Variants in PLPP4 observed in about 807,000 individuals in gnomAD.
PLPP4 encodes phospholipid phosphatase 4, also known as diacylglycerol pyrophosphate like 2.
A neutral mutation model predicts 32.2 loss-of-function variants in PLPP4; 20 were observed. The ratio of observed to expected loss-of-function variants is 0.62; its 90% CI spans 0.44 to 0.90. The LOEUF (loss-of-function observed/expected upper bound fraction) is 0.90. Among genes scored for constraint, PLPP4 ranks in the 40% least tolerant of loss-of-function variants. The pLI is 0.00. For missense variants in PLPP4, 257 were observed against 353.1 expected (o/e 0.73, Z 2.18); for synonymous variants, 127 against 133.0 (o/e 0.95, Z 0.31).
intron 5 of PLPP4, among the ~76,000 whole-genome samples, chr10:120,561,474 G>A (rs1439690753): frequency 6.6e-6 from 1 of 152,088 alleles, no homozygotes; most frequent in Non-Finnish European, 1.5e-5. Flanking sequence ...TGATTCATGG[G>A]TCTGTTTGCT....
chr10:120,564,047 CTTA>C (rs1848572285), intron 5 of PLPP4, among the ~76,000 whole-genome samples: 1 of 151,572 alleles, frequency 6.6e-6, no homozygotes, highest in Non-Finnish European at 1.5e-5. Context: ...TTCTTTTAAA[CTTA>C]TTGTTAATTT....
intron 5 of PLPP4, among the ~76,000 whole-genome samples, chr10:120,574,168 A>ACACACTCTCTCTCT: frequency 2.1e-5 from 1 of 47,120 alleles, no homozygotes; most frequent in Non-Finnish European, 4.1e-5. Flanking sequence ...ACACACACAC[A>ACACACTCTCTCTCT]CTCTCTCTCT....
chr10:120,479,270 C>T (rs541542078), intron 1 of PLPP4, among the ~76,000 whole-genome samples: 38 of 152,148 alleles, frequency 2.5e-4, no homozygotes, highest in African/African-American at 9.1e-4. Context: ...ACCTTCCCAT[C>T]CCCCCTACTG....
At chr10:120,463,854 G>A (rs572072177) in intron 1 of PLPP4, among the ~76,000 whole-genome samples, 10 of 151,976 alleles carry the variant, frequency 6.6e-5, no homozygotes, top group East Asian at 1.9e-4. Context: ...TTGCTCTGTC[G>A]CCCAGGCTGG....
intron 4 of PLPP4, among the ~76,000 whole-genome samples, chr10:120,520,305 A>G (rs755096387): frequency 3.5e-4 from 54 of 152,336 alleles, no homozygotes; most frequent in Non-Finnish European, 6.8e-4. Flanking sequence ...CAGTGAGGCC[A>G]GGTGAGGCCT....
chr10:120,542,576 C>T (rs529990511), intron 5 of PLPP4, among the ~76,000 whole-genome samples: 2 of 152,154 alleles, frequency 1.3e-5, no homozygotes, highest in Non-Finnish European at 2.9e-5. Flanking sequence ...TCATTGCAGA[C>T]GAGCTGGCTG....
At chr10:120,459,798 G>T (rs147146546) in intron 1 of PLPP4, among the ~76,000 whole-genome samples, 209 of 152,288 alleles carry the variant, frequency 1.4e-3, no homozygotes, top group African/African-American at 4.8e-3. Flanking sequence ...AGATGTGCCT[G>T]TTCTCTGACT....
At chr10:120,580,689 G>T (rs980860636) in intron 6 of PLPP4, among the ~76,000 whole-genome samples, 2 of 107,950 alleles carry the variant, frequency 1.9e-5, no homozygotes, top group Admixed American at 1.9e-4. Context: ...ACGGCTGAGG[G>T]ACATACACTG....
chr10:120,553,155 T>C (rs1847987931), intron 5 of PLPP4, among the ~76,000 whole-genome samples: 1 of 152,208 alleles, frequency 6.6e-6, no homozygotes, highest in African/African-American at 2.4e-5. Flanking sequence ...GGTGGGAGCC[T>C]CTTACTCTTT....
intron 1 of PLPP4, among the ~76,000 whole-genome samples, chr10:120,484,701 G>T (rs1844364629): frequency 6.6e-6 from 1 of 152,158 alleles, no homozygotes; most frequent in African/African-American, 2.4e-5. Context: ...CATGAACTTT[G>T]GGGGACACAT....
chr10:120,457,576 G>A (rs960150879), intron 1 of PLPP4, among the ~76,000 whole-genome samples: 1 of 152,106 alleles, frequency 6.6e-6, no homozygotes, highest in Non-Finnish European at 1.5e-5. Context: ...ACCACCGCGC[G>A]CCGAGGCTGA....
At chr10:120,584,757 G>A (rs376558442) in intron 6 of PLPP4, among the ~76,000 whole-genome samples, 38 of 152,256 alleles carry the variant, frequency 2.5e-4, no homozygotes, top group African/African-American at 8.4e-4. Flanking sequence ...GATCTTGTTC[G>A]CCACCTTTGT....
intron 1 of PLPP4, among the ~76,000 whole-genome samples, chr10:120,462,392 G>A (rs1317588861): frequency 6.6e-6 from 1 of 152,206 alleles, no homozygotes; most frequent in East Asian, 1.9e-4. Context: ...GGGGTGGAAA[G>A]GAACCATTTG....
chr10:120,523,139 C>T (rs932843024), intron 5 of PLPP4, among the ~76,000 whole-genome samples: 1 of 151,980 alleles, frequency 6.6e-6, no homozygotes, highest in Non-Finnish European at 1.5e-5. Context: ...CTACTAAAAA[C>T]ACACACAAAA....
chr10:120,575,818 G>A (rs2051806161), intron 6 of PLPP4, among the ~76,000 whole-genome samples: 7 of 152,130 alleles, frequency 4.6e-5, no homozygotes, highest in Admixed American at 4.6e-4. Flanking sequence ...TATCAGTCCT[G>A]GGGTATTTGT....
At chr10:120,542,099 G>A (rs1486437157) in intron 5 of PLPP4, among the ~76,000 whole-genome samples, 2 of 152,184 alleles carry the variant, frequency 1.3e-5, no homozygotes, top group Non-Finnish European at 2.9e-5. Flanking sequence ...CACATGTAAT[G>A]AGCACAGCAA....
chr10:120,561,086 C>A (rs1237014545), intron 5 of PLPP4, among the ~76,000 whole-genome samples: 1 of 152,182 alleles, frequency 6.6e-6, no homozygotes, highest in Non-Finnish European at 1.5e-5. Flanking sequence ...CAAATTTTCC[C>A]AGTTGACCAG....
intron 5 of PLPP4, among the ~76,000 whole-genome samples, chr10:120,568,404 A>G (rs1345608646): frequency 2.0e-5 from 3 of 152,214 alleles, no homozygotes; most frequent in Admixed American, 6.5e-5. Flanking sequence ...CTACTCGTTT[A>G]GAAGAGAGCA....
chr10:120,538,835 T>G (rs993686344), intron 5 of PLPP4, among the ~76,000 whole-genome samples: 5 of 152,210 alleles, frequency 3.3e-5, no homozygotes, highest in Non-Finnish European at 7.3e-5. Context: ...TTACTATTAC[T>G]AGCCCTATTG....
Sources: allele counts gnomAD v4.1 joint callset (sites outside exome capture counted in the v4.1 genomes callset), GRCh38; gene constraint gnomAD v4.1.1; transcripts MANE v1.5; gene names NCBI Gene and HGNC (gene_info 2026-07-23, HGNC 2026-07-21).